TMPRSS9: variants seen among roughly 807,000 people sequenced by gnomAD.
TMPRSS9 encodes transmembrane protease serine 9.
A neutral mutation model predicts 111.4 loss-of-function variants in TMPRSS9; 113 were observed. The observed-to-expected ratio is 1.01, with a 90% confidence interval of 0.87 to 1.19. The LOEUF is 1.19. Among genes scored for constraint, TMPRSS9 ranks in the 50% most tolerant of loss-of-function variants. The pLI, the probability that TMPRSS9 is intolerant of heterozygous loss-of-function variation, is 0.00. For synonymous variants in TMPRSS9, 805 were observed against 659.1 expected (o/e 1.22, Z -3.39); for missense variants, 1,803 against 1,513.1 (o/e 1.19, Z -3.18).
intron 9 of TMPRSS9, among the ~76,000 whole-genome samples, chr19:2,413,371 C>A (rs951522531): frequency 6.6e-6 from 1 of 152,000 alleles, no homozygotes; most frequent in Non-Finnish European, 1.5e-5. Flanking sequence ...ATACTGCCAG[C>A]CTAAGCAAGT....
At chr19:2,373,806 T>G (rs1970309339) in intron 1 of TMPRSS9, among the ~76,000 whole-genome samples, 1 of 152,262 alleles carries the variant, frequency 6.6e-6, no homozygotes, top group South Asian at 2.1e-4. Context: ...GGCCAACTTT[T>G]GCTTTCTTTG....
intron 1 of TMPRSS9, among the ~76,000 whole-genome samples, chr19:2,393,602 G>A (rs1406711594): frequency 6.6e-6 from 1 of 152,036 alleles, no homozygotes; most frequent in Non-Finnish European, 1.5e-5. Flanking sequence ...ACAAAAGAAT[G>A]CAAACAATTA....
chr19:2,393,838 C>T (rs1204183131), intron 1 of TMPRSS9, among the ~76,000 whole-genome samples: 2 of 138,892 alleles, frequency 1.4e-5, no homozygotes, highest in African/African-American at 5.6e-5. Context: ...GTGGAGGTTG[C>T]AGTGAGCCGA....
chr19:2,410,381 TG>T lies in TMPRSS9; in HGVS notation c.1243del (p.Asp415ThrfsTer26). On this transcript the variant is annotated frameshift_variant, in exon 9 of 18. Coordinates refer to ENST00000648592, the Ensembl canonical transcript of TMPRSS9. LOFTEE classifies it high-confidence loss of function. ...TGCGCTGGCTACCTGGACGGGAAGG[TG>T]GACTCCTGCCAGGTGAGCCCCCGAT... 2 of 1,613,864 alleles carry T rather than the reference TG, an allele frequency of 1.2e-6. No individual in the cohort carries two copies. The highest frequency in any genetic ancestry group is 1.7e-6 in the Non-Finnish European group (2 of 1,179,978).
chr19:2,422,287 C>T (rs538988683), intron 14 of TMPRSS9, 40 bp downstream of exon 15: 1 of 1,488,472 alleles, frequency 6.7e-7, no homozygotes, highest in South Asian at 1.4e-5. Flanking sequence ...AGTGGAGGGT[C>T]CCATGTTAAT....
At chr19:2,389,989 A>C in intron 1 of TMPRSS9, 62 bp downstream of exon 2, 1 of 1,555,796 alleles carries the variant, frequency 6.4e-7, no homozygotes, top group Non-Finnish European at 8.8e-7. Context: ...GTCACCGGGA[A>C]GTGACTTGAT....
At chr19:2,424,914 G>A in intron 15 of TMPRSS9, 88 bp from the exon 17 acceptor site, 1 of 1,354,468 alleles carries the variant, frequency 7.4e-7, no homozygotes, top group Non-Finnish European at 9.5e-7. Flanking sequence ...CCTGCCCAGG[G>A]TGCCAGCCGG....
chr19:2,411,872 T>G (rs1325458126), intron 9 of TMPRSS9, among the ~76,000 whole-genome samples: 2 of 152,190 alleles, frequency 1.3e-5, no homozygotes, highest in Admixed American at 1.3e-4. Context: ...ATTTTTGTTT[T>G]CAAGGTGTCT....
At chr19:2,375,153 C>T (rs1970321967) in intron 1 of TMPRSS9, among the ~76,000 whole-genome samples, 1 of 152,216 alleles carries the variant, frequency 6.6e-6, no homozygotes, top group South Asian at 2.1e-4. Flanking sequence ...AATGGCCCCA[C>T]GTCTACACGT....
At chr19:2,395,082 A>ACCAGCCTGGCCAATGTGGCGAAACC (rs1970679844) in intron 1 of TMPRSS9, among the ~76,000 whole-genome samples, 1 of 152,076 alleles carries the variant, frequency 6.6e-6, no homozygotes, top group South Asian at 2.1e-4. Flanking sequence ...GGAGTTCCCG[A>ACCAGCCTGGCCAATGTGGCGAAACC]CCAGCCTGGC....
At chr19:2,398,978 A>G in intron 3 of TMPRSS9, 40 bp from the exon 5 acceptor site, 1 of 1,591,974 alleles carries the variant, frequency 6.3e-7, no homozygotes, top group Non-Finnish European at 8.5e-7. Context: ...AGCAGGGCGG[A>G]GCCCCTCCCT....
intron 1 of TMPRSS9, among the ~76,000 whole-genome samples, chr19:2,365,569 C>T (rs190305127): frequency 6.6e-6 from 1 of 151,810 alleles, no homozygotes; most frequent in East Asian, 1.9e-4. Flanking sequence ...ATGGACGTGT[C>T]CGAAAACTGT....
chr19:2,376,750 T>C (rs73919639), intron 1 of TMPRSS9, among the ~76,000 whole-genome samples: 15,637 of 151,996 alleles, frequency 0.1, 1,529 homozygotes, highest in African/African-American at 0.26. Context: ...AGTCGCTGTG[T>C]CCAGCCCCAA....
chr19:2,396,508 G>T (rs201319090), intron 1 of TMPRSS9, 31 bp from the exon 3 acceptor site: 2 of 1,565,318 alleles, frequency 1.3e-6, no homozygotes, highest in Middle Eastern at 1.8e-4. Context: ...CCAAAGGTGG[G>T]CTCTCTCACG....
At chr19:2,425,151 C>T in exon 16 of TMPRSS9, 2 of 1,574,726 alleles carry the variant, frequency 1.3e-6, no homozygotes, top group East Asian at 2.3e-5. Context: ...CTGGAGCTGG[C>T]GGGGCCGGTG....
At chr19:2,396,773 G>C in intron 2 of TMPRSS9, 107 bp downstream of exon 3, 1 of 1,444,740 alleles carries the variant, frequency 6.9e-7, no homozygotes, top group Non-Finnish European at 9.2e-7. Context: ...AGGCAACGAA[G>C]CTGAGGTGGA....
intron 1 of TMPRSS9, among the ~76,000 whole-genome samples, chr19:2,393,314 C>T (rs1970638540): frequency 1.3e-5 from 2 of 152,084 alleles, no homozygotes; most frequent in Non-Finnish European, 2.9e-5. Context: ...AAACCACAAA[C>T]CCACCAGGAG....
intron 8 of TMPRSS9, 46 bp from the exon 10 acceptor site, chr19:2,410,212 A>T (rs1203631443): frequency 6.2e-7 from 1 of 1,605,502 alleles, no homozygotes; most frequent in Non-Finnish European, 8.5e-7. Flanking sequence ...AGTGGCTGCC[A>T]GGGCTCCGGC....
intron 2 of TMPRSS9, 55 bp downstream of exon 3, chr19:2,396,721 T>C (rs1970717532): frequency 2.6e-6 from 4 of 1,556,554 alleles, no homozygotes. Context: ...GCCGGGGGCT[T>C]TGACCTGGAG....
Sources: gnomAD v4.1 joint callset for allele counts (sites outside exome capture counted in the v4.1 genomes callset) on GRCh38, gnomAD v4.1.1 for gene constraint, MANE v1.5 for transcripts, NCBI Gene and HGNC (gene_info 2026-07-23, HGNC 2026-07-21) for gene names.